The following MXD1 variants were observed in gnomAD, a reference collection of about 807,000 sequenced individuals.
MXD1 encodes the protein MAX dimerization protein 1, also known as MAX-binding protein.
In MXD1, 9 loss-of-function variants were observed where a neutral mutation model predicts 25.7. The ratio of observed to expected loss-of-function variants is 0.35; its 90% CI spans 0.21 to 0.61. The LOEUF is 0.61. Among genes scored for constraint, MXD1 ranks in the 20% least tolerant of loss-of-function variants. The pLI, the probability that MXD1 is intolerant of heterozygous loss-of-function variation, is 0.75. For synonymous variants in MXD1, 99 were observed against 113.9 expected (o/e 0.87, Z 0.83); for missense variants, 227 against 292.4 (o/e 0.78, Z 1.63).
chr2:69,936,941 G>T, intron 4 of MXD1: 1 of 537,082 alleles, frequency 1.9e-6, no homozygotes, highest in South Asian at 1.5e-5. Context: ...ACTGCTGCCT[G>T]CAGTCTTTCT....
chr2:69,937,349 A>G lies in MXD1; in HGVS notation c.433A>G (p.Ser145Gly). The change falls in exon 5 of 6, where the codon AGC becomes GGC. Residue 145 changes from serine to glycine, a missense_variant. Coordinates refer to ENST00000264444, the MANE Select transcript of MXD1 (RefSeq NM_002357.4). ...GGGCATTGAGAGGATCCGGATGGAC[A>G]GCATCGGCTCCACCGTCTCCTCGGA... ...KLGIERIRMD[S>G]IGSTVSSERS... 6.2e-7 allele frequency: 1 copy of G among 1,613,974 alleles called. No homozygotes were observed. The highest frequency in any genetic ancestry group is 1.1e-5 in the South Asian group (1 of 91,046).
chr2:69,924,339 A>G (rs10205487), intron 3 of MXD1, among the ~76,000 whole-genome samples: 80,851 of 152,082 alleles, frequency 0.53, 23,358 homozygotes, highest in African/African-American at 0.77. Context: ...TTGTTGAAGG[A>G]TTAGTTATCT....
In MXD1 at chr2:69,940,764, G is replaced by T. The variant is rs1460583168; in HGVS notation, c.*2480G>T. 6.6e-6 allele frequency: 1 copy of T among 152,580 alleles called. No homozygotes were observed. The highest frequency in any genetic ancestry group is 1.9e-4 in the East Asian group (1 of 5,204). The allele number at this position is 152,580 out of a possible 1,614,324, so 9.5% of individuals were successfully genotyped here. ...AGCAGGGTTAGACATTACTTTCAAA[G>T]CTTGAGGTAGACCGAGTCAGCATGC... On this transcript the variant is annotated 3_prime_UTR_variant, in exon 6 of 6. Coordinates refer to ENST00000264444, the MANE Select transcript of MXD1 (RefSeq NM_002357.4).
intron 3 of MXD1, among the ~76,000 whole-genome samples, chr2:69,924,825 T>G (rs924350343): frequency 6.6e-6 from 1 of 152,186 alleles, no homozygotes; most frequent in Non-Finnish European, 1.5e-5. Flanking sequence ...CTTTTCTTGA[T>G]ATTGCAGAGT....
At chr2:69,926,223 T>G (rs1396726209) in intron 3 of MXD1, among the ~76,000 whole-genome samples, 2 of 152,218 alleles carry the variant, frequency 1.3e-5, no homozygotes, top group African/African-American at 4.8e-5. Flanking sequence ...TGATTCAAGT[T>G]GCTACCTTTG....
rs116257941 is a variant in MXD1 at position 69,942,154 on chromosome 2, A to G, written c.*3870A>G. On this transcript the variant is annotated 3_prime_UTR_variant, in exon 6 of 6. Coordinates refer to ENST00000264444, the MANE Select transcript of MXD1 (RefSeq NM_002357.4). ...TTGCATGTCAATCTATTCTTTTTCT[A>G]TGTTTGACTCTGATGCAGTGTGTTT... 2,188 of 152,086 alleles carry G rather than the reference A, an allele frequency of 0.014. 40 individuals are homozygous for G. Among genetic ancestry groups the G allele is most frequent in the Non-Finnish European group, 0.017 (1,178 of 67,990 alleles). 9.4% of individuals were successfully genotyped at this position (152,086 alleles called of 1,614,324 possible). A position where few individuals can be genotyped will look rare whatever the true frequency, so the allele number is the denominator to read the frequency against.
intron 3 of MXD1, among the ~76,000 whole-genome samples, chr2:69,930,399 A>G (rs1444826366): frequency 6.6e-6 from 1 of 152,192 alleles, no homozygotes; most frequent in Non-Finnish European, 1.5e-5. Context: ...TTGCTCCTGC[A>G]GCAAGCAGAA....
At position 69,937,348 on chromosome 2, in the gene MXD1, C is replaced by T. The variant is rs929493165; in HGVS notation, c.432C>T (p.Asp144=). ...EKLGIERIRM[D]SIGSTVSSER... ...TGGGCATTGAGAGGATCCGGATGGACAGCATCGGCTCCACCGTCTCCTCGG... is the reference window on the plus strand; with the variant it reads ...TGGGCATTGAGAGGATCCGGATGGATAGCATCGGCTCCACCGTCTCCTCGG... The change falls in exon 5 of 6, where the codon GAC becomes GAT. Residue 144 remains aspartate (D), a synonymous_variant. Transcript: ENST00000264444. 6.2e-7 allele frequency: 1 copy of T among 1,614,000 alleles called. No individual in the cohort carries two copies. Among genetic ancestry groups the T allele is most frequent in the Non-Finnish European group, 8.5e-7 (1 of 1,179,988 alleles).
At chr2:69,936,360 C>T (rs201490308) in intron 4 of MXD1, among the ~76,000 whole-genome samples, 1 of 152,074 alleles carries the variant, frequency 6.6e-6, no homozygotes, top group Non-Finnish European at 1.5e-5. Flanking sequence ...TCTTTGTGCT[C>T]ACCTCACAGC....
At position 69,915,294 on chromosome 2, in the gene MXD1, T is replaced by A; in HGVS notation, c.-37T>A. ...GCGGCGGCAGCGAGCCCGTGGGCAG[T>A]GGGGGTTGGTCCCGTGGCTCCGGCC... is the stretch of plus-strand genomic sequence containing the variant. On this transcript the variant is annotated 5_prime_UTR_variant, in exon 1 of 6. Coordinates refer to ENST00000264444, the MANE Select transcript of MXD1 (RefSeq NM_002357.4). The surrounding 1 kb of genome is among the most constrained non-coding windows in gnomAD (Gnocchi z 5.8). The A allele has an allele frequency of 7.7e-7, 1 of 1,302,442 alleles. No homozygotes were observed. The highest frequency in any genetic ancestry group is 9.8e-7 in the Non-Finnish European group (1 of 1,016,816). The allele number at this position is 1,302,442 out of a possible 1,614,324, so 80.7% of individuals were successfully genotyped here. A position where few individuals can be genotyped will look rare whatever the true frequency, so the allele number is the denominator to read the frequency against.
intron 3 of MXD1, among the ~76,000 whole-genome samples, chr2:69,934,829 C>A (rs1677382788): frequency 6.6e-6 from 1 of 152,154 alleles, no homozygotes; most frequent in African/African-American, 2.4e-5. Context: ...ATTTATTTAA[C>A]CAGTTCCCTC....
intron 3 of MXD1, among the ~76,000 whole-genome samples, chr2:69,927,646 A>G (rs1272183741): frequency 6.6e-6 from 1 of 152,220 alleles, no homozygotes; most frequent in African/African-American, 2.4e-5. Flanking sequence ...GCCAACAGGT[A>G]TGATTATAAT....
chr2:69,930,273 AT>A (rs1677254716), intron 3 of MXD1, among the ~76,000 whole-genome samples: 1 of 152,206 alleles, frequency 6.6e-6, no homozygotes, highest in East Asian at 1.9e-4. Flanking sequence ...CACATGAGAT[AT>A]GTGAAGATCT....
At chr2:69,919,972 G>A (rs561551358) in intron 2 of MXD1, among the ~76,000 whole-genome samples, 3 of 151,670 alleles carry the variant, frequency 2.0e-5, no homozygotes, top group Admixed American at 2.0e-4. Flanking sequence ...CACCATGCCT[G>A]ACCATTTTAA....
intron 3 of MXD1, among the ~76,000 whole-genome samples, chr2:69,930,856 G>A (rs1357631869): frequency 1.3e-5 from 2 of 152,118 alleles, no homozygotes; most frequent in Non-Finnish European, 2.9e-5. Context: ...TGACCCAAGG[G>A]CTTCCATACC....
Position 69,915,266 on chromosome 2 carries a change from CCGG to C in MXD1, c.-57_-55del. 2 of 1,274,920 alleles carry C rather than the reference CCGG, an allele frequency of 1.6e-6. No individual in the cohort carries two copies. Among genetic ancestry groups the C allele is most frequent in the South Asian group, 2.6e-5 (1 of 38,646 alleles). The allele number at this position is 1,274,920 out of a possible 1,614,324, so 79.0% of individuals were successfully genotyped here. A position where few individuals can be genotyped will look rare whatever the true frequency, so the allele number is the denominator to read the frequency against. ...GCTCCATAGCGGGCTCCACAGCGGT[CCGG>C]CGGCGGCAGCGAGCCCGTGGGCAGT... On this transcript the variant is annotated 5_prime_UTR_variant, in exon 1 of 6. Coordinates refer to ENST00000264444, the MANE Select transcript of MXD1 (RefSeq NM_002357.4). This position sits in a 1 kb window ranked among gnomAD's most constrained non-coding sequence, Gnocchi z 5.8.
At chr2:69,933,722 G>C (rs1488665368) in intron 3 of MXD1, among the ~76,000 whole-genome samples, 1 of 152,186 alleles carries the variant, frequency 6.6e-6, no homozygotes, top group Non-Finnish European at 1.5e-5. Context: ...AGTGTGAATT[G>C]ACTTCTTACA....
chr2:69,932,034 C>G (rs957617234), intron 3 of MXD1, among the ~76,000 whole-genome samples: 1 of 152,156 alleles, frequency 6.6e-6, no homozygotes, highest in African/African-American at 2.4e-5. Flanking sequence ...GGATATATGG[C>G]AAAACCCCTG....
intron 2 of MXD1, among the ~76,000 whole-genome samples, chr2:69,917,419 T>TA (rs1182695078): frequency 1.3e-5 from 2 of 152,246 alleles, no homozygotes; most frequent in African/African-American, 4.8e-5. Flanking sequence ...GAAGGCACTT[T>TA]AAGAAAGATG....
Sources: allele counts gnomAD v4.1 joint callset (sites outside exome capture counted in the v4.1 genomes callset), GRCh38; gene constraint gnomAD v4.1.1; non-coding constraint Gnocchi (gnomAD v3.1); transcripts MANE v1.5; gene names NCBI Gene and HGNC (gene_info 2026-07-23, HGNC 2026-07-21).